Variants in ERC1 observed in about 807,000 individuals in gnomAD.
ERC1 encodes ELKS/RAB6-interacting/CAST family member 1, also known as RAB6 interacting protein 2.
A neutral mutation model predicts 132.0 loss-of-function variants in ERC1; 56 were observed. The observed-to-expected ratio is 0.42, with a 90% CI of 0.34 to 0.53. ERC1 has a LOEUF of 0.53. Ranked by LOEUF, ERC1 falls within the 20% of genes least tolerant of loss-of-function variation. The pLI is 0.03. For missense variants in ERC1, 1,202 were observed against 1,349.9 expected, an observed-to-expected ratio of 0.89 and a Z score of 1.72; for synonymous variants, 478 against 476.1, an observed-to-expected ratio of 1.00 and a Z score of -0.05.
chr12:1,462,636 T>TGG (rs929153239), intron 18 of ERC1, among the ~76,000 whole-genome samples: 3 of 152,180 alleles, frequency 2.0e-5, no homozygotes, highest in Non-Finnish European at 4.4e-5. Flanking sequence ...GAATAAATTA[T>TGG]GGTGGTAAAA....
chr12:1,255,828 A>C (rs1404121159), intron 13 of ERC1, among the ~76,000 whole-genome samples: 1 of 149,904 alleles, frequency 6.7e-6, no homozygotes, highest in Admixed American at 6.6e-5. Flanking sequence ...TTTAGTAGAG[A>C]CGGGGTTTCA....
chr12:1,413,421 C>G (rs1392152789), intron 17 of ERC1, among the ~76,000 whole-genome samples: 1 of 151,986 alleles, frequency 6.6e-6, no homozygotes, highest in East Asian at 1.9e-4. Flanking sequence ...TGACAAAACC[C>G]CATCTCTACT....
intron 15 of ERC1, among the ~76,000 whole-genome samples, chr12:1,327,324 G>A (rs920632261): frequency 2.0e-4 from 31 of 152,040 alleles, no homozygotes; most frequent in African/African-American, 7.3e-4. Flanking sequence ...TTTTTTTAAC[G>A]TACTTTTAGC....
chr12:1,469,536 C>T (rs981469763), intron 18 of ERC1, among the ~76,000 whole-genome samples: 4 of 152,248 alleles, frequency 2.6e-5, no homozygotes, highest in Non-Finnish European at 5.9e-5. Flanking sequence ...CTTCGCCTCC[C>T]CTCCGTGTGG....
intron 16 of ERC1, among the ~76,000 whole-genome samples, chr12:1,383,153 T>A (rs374850780): frequency 2.6e-5 from 4 of 152,216 alleles, no homozygotes; most frequent in Non-Finnish European, 5.9e-5. Flanking sequence ...TTTATAAATC[T>A]TCTGTGTTTC....
At chr12:1,290,668 T>G (rs2079383531) in intron 15 of ERC1, among the ~76,000 whole-genome samples, 1 of 152,218 alleles carries the variant, frequency 6.6e-6, no homozygotes, top group South Asian at 2.1e-4. Context: ...AAAATCCAGT[T>G]GTACCCTCTC....
intron 2 of ERC1, among the ~76,000 whole-genome samples, chr12:1,034,302 A>G (rs1225874535): frequency 2.0e-5 from 3 of 152,146 alleles, no homozygotes; most frequent in East Asian, 1.9e-4. Context: ...TGAGCTGGGT[A>G]TGGTAATATA....
chr12:1,277,694 A>C (rs571952268), intron 14 of ERC1, among the ~76,000 whole-genome samples: 1 of 152,338 alleles, frequency 6.6e-6, no homozygotes, highest in South Asian at 2.1e-4. Context: ...TACGTTGGTA[A>C]CATAAACGGT....
At chr12:1,280,417 C>T (rs560170245) in intron 14 of ERC1, among the ~76,000 whole-genome samples, 1 of 152,190 alleles carries the variant, frequency 6.6e-6, no homozygotes, top group Non-Finnish European at 1.5e-5. Context: ...TTCCTCTTGT[C>T]TCTACCCTCT....
At chr12:1,115,723 T>G (rs1007985841) in intron 6 of ERC1, 143 bp from the exon 7 acceptor site, 2 of 665,752 alleles carry the variant, frequency 3.0e-6, no homozygotes, top group Admixed American at 6.6e-5. Context: ...CAAGGTTATG[T>G]CATGCAAAAA....
chr12:1,407,293 G>A (rs1425121587), intron 16 of ERC1, among the ~76,000 whole-genome samples: 2 of 145,722 alleles, frequency 1.4e-5, no homozygotes, highest in South Asian at 2.1e-4. Context: ...ATATATATAT[G>A]AGAGAGAGAG....
intron 15 of ERC1, among the ~76,000 whole-genome samples, chr12:1,324,211 G>A (rs2082300158): frequency 6.6e-6 from 1 of 152,168 alleles, no homozygotes; most frequent in Admixed American, 6.5e-5. Context: ...TTGCTCTGGA[G>A]AAGGCAAAAA....
chr12:1,351,266 G>C (rs1244561752), intron 15 of ERC1, among the ~76,000 whole-genome samples: 3 of 152,084 alleles, frequency 2.0e-5, no homozygotes, highest in African/African-American at 4.8e-5. Flanking sequence ...TTTTCTCTTC[G>C]ATTTATTTCT....
intron 12 of ERC1, among the ~76,000 whole-genome samples, chr12:1,196,951 C>T (rs865898388): frequency 0.013 from 455 of 35,482 alleles, 3 homozygotes; most frequent in Middle Eastern, 0.02. Context: ...CACACACACA[C>T]ACACACACAC....
chr12:1,056,000 A>G (rs1972881223), intron 2 of ERC1, among the ~76,000 whole-genome samples: 2 of 151,992 alleles, frequency 1.3e-5, no homozygotes, highest in Non-Finnish European at 2.9e-5. Flanking sequence ...AAATAAAATA[A>G]ATGAAAATAA....
chr12:1,000,997 A>G (rs1310996860), intron 1 of ERC1, among the ~76,000 whole-genome samples: 2 of 152,086 alleles, frequency 1.3e-5, no homozygotes, highest in Non-Finnish European at 2.9e-5. Context: ...GGCACCTCCC[A>G]GGTTCAAGCG....
chr12:1,027,754 T>C lies in ERC1; in HGVS notation c.-150T>C. The C allele has an allele frequency of 1.1e-5, 7 of 643,084 alleles. No individual in the cohort carries two copies. The highest frequency in any genetic ancestry group is 1.7e-5 in the Non-Finnish European group (6 of 363,046). 39.8% of individuals were successfully genotyped at this position (643,084 alleles called of 1,614,324 possible). A position where few individuals can be genotyped will look rare whatever the true frequency, so the allele number is the denominator to read the frequency against. On this transcript the variant is annotated 5_prime_UTR_variant, in exon 2 of 19. Transcript: ENST00000360905. Reference sequence around the variant, plus strand: ...TGTGATCTTTTCATTACAGATATGGTGTAAGATACTTCTTCAAGATTGGAC... The same window carrying C: ...TGTGATCTTTTCATTACAGATATGGCGTAAGATACTTCTTCAAGATTGGAC...
intron 17 of ERC1, among the ~76,000 whole-genome samples, chr12:1,436,546 G>A (rs1338638319): frequency 3.3e-5 from 5 of 152,126 alleles, no homozygotes; most frequent in African/African-American, 1.2e-4. Context: ...GTGATTATGA[G>A]GTTATTATAC....
chr12:1,142,982 T>G (rs1429145078), intron 8 of ERC1, among the ~76,000 whole-genome samples: 1 of 152,210 alleles, frequency 6.6e-6, no homozygotes, highest in Non-Finnish European at 1.5e-5. Context: ...CAGTGCAACC[T>G]CTGCCTCCTG....
Sources: gnomAD v4.1 joint callset for allele counts (sites outside exome capture counted in the v4.1 genomes callset) on GRCh38, gnomAD v4.1.1 for gene constraint, MANE v1.5 for transcripts, NCBI Gene and HGNC (gene_info 2026-07-23, HGNC 2026-07-21) for gene names.